The following FAM168A variants were observed in gnomAD, a reference collection of about 807,000 sequenced individuals.
The protein encoded by FAM168A is protein FAM168A.
In FAM168A, 3 loss-of-function variants were observed where a neutral mutation model predicts 28.5. The observed-to-expected ratio is 0.11, with a 90% CI of 0.05 to 0.27. The LOEUF (loss-of-function observed/expected upper bound fraction) is 0.27, where lower values mean the gene tolerates loss of function less well. Among genes scored for constraint, FAM168A ranks in the 10% least tolerant of loss-of-function variants. The pLI is 1.00. For synonymous variants in FAM168A, 122 were observed against 124.2 expected (o/e 0.98, Z 0.12); for missense variants, 222 against 311.5 (o/e 0.71, Z 2.16).
In FAM168A at chr11:73,514,101, C is replaced by G. The variant is rs556015010; in HGVS notation, c.-18-45609G>C. Among the ~76,000 whole-genome samples, 10 of 152,134 alleles carry G rather than the reference C, an allele frequency of 6.6e-5. No homozygotes were observed. In the South Asian group the frequency reaches 2.1e-3, roughly 32 times the overall value. On this transcript the variant is annotated intron_variant, in intron 1 of 7. Coordinates refer to ENST00000356467, the MANE Select transcript of FAM168A (RefSeq NM_015159.3). ...TCAGGAGGCTGAGGCTGCAGTGAGC[C>G]ATGATCACACCACTGTACTCCAGCC...
chr11:73,512,300 T>A (rs772662922), intron 1 of FAM168A, among the ~76,000 whole-genome samples: 1 of 152,166 alleles, frequency 6.6e-6, no homozygotes, highest in Non-Finnish European at 1.5e-5. Flanking sequence ...CTACATTTTT[T>A]ATGAGAAAAC....
chr11:73,515,176 G>C (rs567512139), intron 1 of FAM168A, among the ~76,000 whole-genome samples: 1 of 152,034 alleles, frequency 6.6e-6, no homozygotes, highest in African/African-American at 2.4e-5. Flanking sequence ...CTCCAGGAAG[G>C]GATAATACAG....
chr11:73,532,744 T>C (rs1943529333), intron 1 of FAM168A, among the ~76,000 whole-genome samples: 1 of 152,226 alleles, frequency 6.6e-6, no homozygotes, highest in African/African-American at 2.4e-5. Context: ...GTTGGTGGCA[T>C]ATTTTTTCTT....
chr11:73,568,681 G>A (rs1408147420), intron 1 of FAM168A, among the ~76,000 whole-genome samples: 1 of 152,136 alleles, frequency 6.6e-6, no homozygotes, highest in Non-Finnish European at 1.5e-5. Flanking sequence ...CAGATCACAA[G>A]GTCAGGAGTT....
intron 6 of FAM168A, 96 bp downstream of exon 6, chr11:73,409,391 T>C (rs139672973): frequency 6.7e-7 from 1 of 1,497,560 alleles, no homozygotes; most frequent in African/African-American, 1.4e-5. Context: ...CAGGATCTCT[T>C]GTGCTGTGCT....
In FAM168A at chr11:73,407,638, G is replaced by A. The variant is rs1364211043; in HGVS notation, c.601C>T (p.Leu201=). 15 of 1,610,168 alleles carry A rather than the reference G, an allele frequency of 9.3e-6. No homozygotes were observed. The highest frequency in any genetic ancestry group is 1.3e-5 in the Non-Finnish European group (15 of 1,178,390). Residue 201 remains leucine (L), a synonymous_variant, in exon 7 of 8, where the codon CTG becomes TTG. Transcript: ENST00000356467. The stretch of plus-strand genomic sequence containing the variant: ...GCCGTGTGCTGGGGTGTAGTCAGCA[G>A]GGTACCTGAGCATCCAGAGAGAGAA... The part of the protein sequence containing the change: ...GTTMAMSAGT[L]LTTPQHTAIG...
At chr11:73,582,995 A>G (rs1944266268) in intron 1 of FAM168A, among the ~76,000 whole-genome samples, 1 of 152,194 alleles carries the variant, frequency 6.6e-6, no homozygotes, top group South Asian at 2.1e-4. Context: ...CAACAATGAT[A>G]GAAGACACTC....
At chr11:73,510,107 T>C (rs1026422561) in intron 1 of FAM168A, among the ~76,000 whole-genome samples, 1 of 152,120 alleles carries the variant, frequency 6.6e-6, no homozygotes, top group Admixed American at 6.6e-5. Context: ...AATCCACTCA[T>C]AGTGTACTAG....
At chr11:73,596,706 TCAC>T (rs1416064546) in intron 1 of FAM168A, among the ~76,000 whole-genome samples, 1 of 151,872 alleles carries the variant, frequency 6.6e-6, no homozygotes, top group Non-Finnish European at 1.5e-5. Context: ...CCCCAATCCT[TCAC>T]CACCAAAATA....
chr11:73,588,045 G>A (rs372473736), intron 1 of FAM168A, among the ~76,000 whole-genome samples: 13 of 152,052 alleles, frequency 8.5e-5, no homozygotes, highest in African/African-American at 2.4e-4. Context: ...CCACCGCACC[G>A]AGCCTCACAT....
intron 1 of FAM168A, among the ~76,000 whole-genome samples, chr11:73,488,179 G>C (rs946061296): frequency 6.6e-6 from 1 of 151,204 alleles, no homozygotes; most frequent in African/African-American, 2.4e-5. Flanking sequence ...TGCCCAGGCT[G>C]GAGTGTCATG....
chr11:73,474,734 A>G (rs978888278), intron 1 of FAM168A, among the ~76,000 whole-genome samples: 2 of 152,208 alleles, frequency 1.3e-5, no homozygotes, highest in Non-Finnish European at 2.9e-5. Flanking sequence ...TTGTATCCCC[A>G]GTGCACAGAA....
At chr11:73,451,783 C>T (rs907319126) in intron 2 of FAM168A, among the ~76,000 whole-genome samples, 1 of 152,222 alleles carries the variant, frequency 6.6e-6, no homozygotes. Flanking sequence ...ATTATATTTG[C>T]ACAACAACAA....
At chr11:73,448,081 C>T (rs950752928) in intron 2 of FAM168A, among the ~76,000 whole-genome samples, 2 of 152,164 alleles carry the variant, frequency 1.3e-5, no homozygotes, top group African/African-American at 2.4e-5. Flanking sequence ...CACAGTCTCG[C>T]TCTGTTGCCA....
intron 2 of FAM168A, among the ~76,000 whole-genome samples, chr11:73,447,873 C>T (rs1867351189): frequency 6.6e-6 from 1 of 152,142 alleles, no homozygotes; most frequent in Non-Finnish European, 1.5e-5. Context: ...GATTCAGAGA[C>T]AGACTCAAAT....
chr11:73,562,768 G>A (rs1943974168), intron 1 of FAM168A, among the ~76,000 whole-genome samples: 1 of 152,168 alleles, frequency 6.6e-6, no homozygotes, highest in African/African-American at 2.4e-5. Context: ...GGAGTTTGCA[G>A]TGAGCCAAGA....
At chr11:73,578,415 T>G (rs370019686) in intron 1 of FAM168A, among the ~76,000 whole-genome samples, 9 of 152,252 alleles carry the variant, frequency 5.9e-5, no homozygotes, top group African/African-American at 1.9e-4. Flanking sequence ...CTTAGCAAAT[T>G]GTACATAAAA....
intron 3 of FAM168A, among the ~76,000 whole-genome samples, chr11:73,425,245 G>A (rs1462819117): frequency 1.3e-5 from 2 of 152,176 alleles, no homozygotes; most frequent in Non-Finnish European, 2.9e-5. Flanking sequence ...ATTCAATGCA[G>A]AGAGCCCCTC....
intron 3 of FAM168A, among the ~76,000 whole-genome samples, chr11:73,426,848 C>CT (rs1866894806): frequency 1.3e-5 from 2 of 152,108 alleles, no homozygotes; most frequent in African/African-American, 4.8e-5. Context: ...ATACAATACT[C>CT]TAACGCTACC....
Sources: allele counts gnomAD v4.1 joint callset (sites outside exome capture counted in the v4.1 genomes callset), GRCh38; gene constraint gnomAD v4.1.1; transcripts MANE v1.5; gene names NCBI Gene and HGNC (gene_info 2026-07-23, HGNC 2026-07-21).